TSPAN9: variants seen among roughly 807,000 people sequenced by gnomAD.
TSPAN9 encodes tetraspanin 9.
In TSPAN9, 16 loss-of-function variants were observed where a neutral mutation model predicts 31.0. That is an observed-to-expected ratio of 0.52 (90% CI 0.35 to 0.78). The LOEUF is 0.78. TSPAN9 is among the 30% of genes least tolerant of loss of function. The pLI, the probability that TSPAN9 is intolerant of heterozygous loss-of-function variation, is 0.01. For missense variants in TSPAN9, 272 were observed against 312.5 expected, an observed-to-expected ratio of 0.87 and a Z score of 0.98; for synonymous variants, 145 against 121.6, an observed-to-expected ratio of 1.19 and a Z score of -1.27.
rs534576089 is a variant in TSPAN9, at chr12:3,261,013, G to T, written c.64-17408G>T. Among the ~76,000 whole-genome samples, 22 of 152,334 alleles carry T rather than the reference G, an allele frequency of 1.4e-4. No homozygotes were observed. The South Asian group carries it at 4.6e-3, about 32-fold the overall frequency. On this transcript the variant is annotated intron_variant, in intron 3 of 8. Transcript: ENST00000011898. The stretch of plus-strand genomic sequence containing the variant: ...GGGTCTGGAAGGTGTGATGTGCTCT[G>T]GGCAGAGTGATTGGATTGTGGTGAC...
At chr12:3,127,244 C>T (rs961789133) in intron 2 of TSPAN9, among the ~76,000 whole-genome samples, 2 of 152,130 alleles carry the variant, frequency 1.3e-5, no homozygotes, top group Non-Finnish European at 2.9e-5. Context: ...TCTTGTCCCG[C>T]TGGAAGGTCT....
At chr12:3,095,603 G>A (rs1432418298) in intron 2 of TSPAN9, among the ~76,000 whole-genome samples, 2 of 123,984 alleles carry the variant, frequency 1.6e-5, no homozygotes, top group African/African-American at 6.3e-5. Flanking sequence ...TCACCTCCCA[G>A]ACGGGGCGGC....
At position 3,280,866 on chromosome 12, in the gene TSPAN9, A is replaced by T. The variant is rs758790393; in HGVS notation, c.433-332A>T. ...TTTTAAGCCCTGGGGAGGGGCCGGC[A>T]GGGGGTTGGGTGGCAGTCAGCTTGG... On this transcript the variant is annotated intron_variant, in intron 6 of 8. Coordinates refer to ENST00000011898, the MANE Select transcript of TSPAN9 (RefSeq NM_006675.5). The surrounding 1 kb of genome is among the most constrained non-coding windows in gnomAD (Gnocchi z 4.5). Among the ~76,000 whole-genome samples the T allele has an allele frequency of 6.6e-6, 1 of 151,196 alleles. No homozygotes were observed. Among genetic ancestry groups the T allele is most frequent in the Admixed American group, 6.6e-5 (1 of 15,212 alleles).
At chr12:3,152,968 A>G (rs185531159) in intron 2 of TSPAN9, among the ~76,000 whole-genome samples, 2 of 152,208 alleles carry the variant, frequency 1.3e-5, no homozygotes, top group Admixed American at 6.5e-5. Flanking sequence ...GCAGAGGCGC[A>G]CACACACCTG....
intron 3 of TSPAN9, among the ~76,000 whole-genome samples, chr12:3,230,643 C>G (rs3782812): frequency 0.083 from 12,634 of 152,134 alleles, 633 homozygotes; most frequent in Middle Eastern, 0.14. Context: ...CCCCTGGAGA[C>G]CCTGCCTCAT....
chr12:3,257,520 A>G (rs567537013), intron 3 of TSPAN9, among the ~76,000 whole-genome samples: 2 of 151,720 alleles, frequency 1.3e-5, no homozygotes, highest in African/African-American at 2.4e-5. Context: ...CAAGAACAAC[A>G]GTGGCTGCTT....
At chr12:3,232,945 G>A (rs2098391561) in intron 3 of TSPAN9, among the ~76,000 whole-genome samples, 1 of 152,220 alleles carries the variant, frequency 6.6e-6, no homozygotes, top group African/African-American at 2.4e-5. Context: ...CCTACTTGGG[G>A]TCTGGCCTTC....
intron 3 of TSPAN9, among the ~76,000 whole-genome samples, chr12:3,253,988 G>A (rs1042061170): frequency 6.6e-6 from 1 of 152,350 alleles, no homozygotes; most frequent in East Asian, 1.9e-4. Flanking sequence ...CAGCAGGGGA[G>A]TGGAGGGATA....
intron 3 of TSPAN9, among the ~76,000 whole-genome samples, chr12:3,261,504 G>A (rs936796464): frequency 6.6e-6 from 1 of 152,120 alleles, no homozygotes; most frequent in East Asian, 1.9e-4. Context: ...TGTGACTCCC[G>A]GCTGGAAGAA....
At chr12:3,197,350 G>T (rs780586042) in intron 2 of TSPAN9, among the ~76,000 whole-genome samples, 2 of 152,150 alleles carry the variant, frequency 1.3e-5, no homozygotes, top group Non-Finnish European at 2.9e-5. Flanking sequence ...AGCCATGCCA[G>T]TCAGGCAGCC....
At chr12:3,220,101 C>A (rs1416765220) in intron 3 of TSPAN9, among the ~76,000 whole-genome samples, 2 of 148,886 alleles carry the variant, frequency 1.3e-5, no homozygotes, top group Non-Finnish European at 1.5e-5. Context: ...GCCGAGATCA[C>A]GCCATTGCAC....
chr12:3,281,529 G>A (rs1862894357), intron 7 of TSPAN9, among the ~76,000 whole-genome samples, 200 bp downstream of exon 7: 1 of 152,194 alleles, frequency 6.6e-6, no homozygotes, highest in Admixed American at 6.5e-5. Context: ...GTCAGAGGGC[G>A]AGGGGTTGAA....
At chr12:3,129,388 T>G (rs2098328773) in intron 2 of TSPAN9, among the ~76,000 whole-genome samples, 1 of 152,212 alleles carries the variant, frequency 6.6e-6, no homozygotes, top group Non-Finnish European at 1.5e-5. Flanking sequence ...ATCCATCCCC[T>G]TTATGAAGCT....
rs145701220 is a variant in TSPAN9 at position 3,158,139 on chromosome 12, G to T, written c.-17-43038G>T. Among the ~76,000 whole-genome samples, 413 of 152,310 alleles carry T rather than the reference G, an allele frequency of 2.7e-3. 2 individuals are homozygous for T. The highest frequency in any genetic ancestry group is 9.4e-3 in the African/African-American group (390 of 41,556). On this transcript the variant is annotated intron_variant, in intron 2 of 8. Transcript: ENST00000011898. ...GACCAAGTCTAATTGAGATAAATCT[G>T]AGGGCTCCCCTCGGAGCACAGGGCT...
chr12:3,081,739 G>C (rs906941119), intron 1 of TSPAN9, among the ~76,000 whole-genome samples: 1 of 151,822 alleles, frequency 6.6e-6, no homozygotes, highest in Non-Finnish European at 1.5e-5. Context: ...GCTGATGTGG[G>C]AGGATCACTT....
chr12:3,255,214 G>C (rs1392175840), intron 3 of TSPAN9, among the ~76,000 whole-genome samples: 1 of 152,262 alleles, frequency 6.6e-6, no homozygotes, highest in Admixed American at 6.5e-5. Flanking sequence ...TGTCCCGCCA[G>C]CTCCGGGCTT....
At chr12:3,083,740 A>C (rs1370052492) in intron 2 of TSPAN9, 21 bp downstream of exon 2, 2 of 152,226 alleles carry the variant, frequency 1.3e-5, no homozygotes, top group African/African-American at 4.8e-5. Context: ...GTCCGGGTCC[A>C]TTGTGGGGTA....
At chr12:3,145,737 G>A (rs1425636316) in intron 2 of TSPAN9, among the ~76,000 whole-genome samples, 1 of 152,212 alleles carries the variant, frequency 6.6e-6, no homozygotes, top group Non-Finnish European at 1.5e-5. Flanking sequence ...GCTGGCATCC[G>A]CCAAGGTGAT....
intron 1 of TSPAN9, among the ~76,000 whole-genome samples, chr12:3,080,743 C>G (rs1591617583): frequency 6.6e-6 from 1 of 152,200 alleles, no homozygotes; most frequent in African/African-American, 2.4e-5. Flanking sequence ...CCTTGTAAAA[C>G]TGAAGCTTTA....
Sources: gnomAD v4.1 joint callset for allele counts (sites outside exome capture counted in the v4.1 genomes callset) on GRCh38, gnomAD v4.1.1 for gene constraint, Gnocchi (gnomAD v3.1) non-coding constraint, MANE v1.5 for transcripts, NCBI Gene and HGNC (gene_info 2026-07-23, HGNC 2026-07-21) for gene names.